IQCM: variants seen among roughly 807,000 people sequenced by gnomAD.
The protein encoded by IQCM is IQ motif containing M, also known as IQ domain-containing protein M.
In IQCM, 45 loss-of-function variants were observed where a neutral mutation model predicts 57.6. The ratio of observed to expected loss-of-function variants is 0.78; its 90% confidence interval spans 0.62 to 1.00. The LOEUF (loss-of-function observed/expected upper bound fraction) is 1.00, where lower values mean the gene tolerates loss of function less well. Among genes scored for constraint, IQCM ranks in the 50% least tolerant of loss-of-function variants. IQCM has a pLI of 0.00. For missense variants in IQCM, 468 were observed against 511.6 expected (o/e 0.91, Z 0.82); for synonymous variants, 148 against 158.9 (o/e 0.93, Z 0.51).
chr4:149,660,649 G>A (rs1760102964), intron 7 of IQCM, among the ~76,000 whole-genome samples: 1 of 151,988 alleles, frequency 6.6e-6, no homozygotes, highest in South Asian at 2.1e-4. Flanking sequence ...ATACTATGCA[G>A]CCATAAAAAA....
chr4:149,527,577 T>C (rs904219400), intron 12 of IQCM, among the ~76,000 whole-genome samples: 1 of 152,184 alleles, frequency 6.6e-6, no homozygotes, highest in Non-Finnish European at 1.5e-5. Context: ...ATTTATTGTT[T>C]AAGCCACCCA....
intron 5 of IQCM, among the ~76,000 whole-genome samples, chr4:149,712,753 C>A (rs1026792746): frequency 6.6e-6 from 1 of 152,162 alleles, no homozygotes; most frequent in Non-Finnish European, 1.5e-5. Context: ...ATATTGAATT[C>A]TGCCCCCAGT....
intron 7 of IQCM, among the ~76,000 whole-genome samples, chr4:149,644,030 GT>G (rs1448997686): frequency 6.6e-6 from 1 of 152,098 alleles, no homozygotes; most frequent in African/African-American, 2.4e-5. Context: ...GACTGCCTTG[GT>G]ATTAGCATTG....
chr4:149,494,865 G>C (rs1742488258), intron 12 of IQCM, among the ~76,000 whole-genome samples: 1 of 152,094 alleles, frequency 6.6e-6, no homozygotes, highest in African/African-American at 2.4e-5. Context: ...ATCGTGATCT[G>C]ACTTATGTGT....
At chr4:149,509,936 A>G (rs931646558) in intron 12 of IQCM, among the ~76,000 whole-genome samples, 4 of 152,056 alleles carry the variant, frequency 2.6e-5, no homozygotes, top group Non-Finnish European at 4.4e-5. Flanking sequence ...TTGTTGCTCA[A>G]AAAATCCCAC....
chr4:149,780,546 T>TAA (rs775542303), intron 2 of IQCM, among the ~76,000 whole-genome samples: 10 of 150,878 alleles, frequency 6.6e-5, no homozygotes, highest in African/African-American at 2.4e-4. Flanking sequence ...TATATATATA[T>TAA]AAAACATATT....
intron 13 of IQCM, among the ~76,000 whole-genome samples, chr4:149,375,667 T>C (rs1730660857): frequency 6.6e-6 from 1 of 152,182 alleles, no homozygotes; most frequent in African/African-American, 2.4e-5. Context: ...ACTACAATTA[T>C]CATTGCTATT....
intron 2 of IQCM, among the ~76,000 whole-genome samples, chr4:149,770,651 A>T (rs143673757): frequency 3.9e-5 from 6 of 152,228 alleles, no homozygotes; most frequent in African/African-American, 1.4e-4. Context: ...TCACCATATT[A>T]ACAAACTAAA....
At chr4:149,778,869 GA>G (rs1161308730) in intron 2 of IQCM, among the ~76,000 whole-genome samples, 1 of 152,022 alleles carries the variant, frequency 6.6e-6, no homozygotes, top group Non-Finnish European at 1.5e-5. Flanking sequence ...TCTCGAAAAA[GA>G]AATTGCCAGA....
intron 5 of IQCM, among the ~76,000 whole-genome samples, chr4:149,721,204 A>G (rs898953846): frequency 1.3e-5 from 2 of 152,190 alleles, no homozygotes; most frequent in African/African-American, 4.8e-5. Flanking sequence ...ATTAGGTATC[A>G]TAAGTAATCT....
At chr4:149,689,236 G>T (rs1363067011) in intron 5 of IQCM, among the ~76,000 whole-genome samples, 1 of 151,976 alleles carries the variant, frequency 6.6e-6, no homozygotes, top group East Asian at 1.9e-4. Context: ...GCCAGAAAAA[G>T]GAATAAGTCC....
intron 9 of IQCM, among the ~76,000 whole-genome samples, chr4:149,582,197 C>T (rs1021802662): frequency 2.0e-5 from 3 of 149,486 alleles, no homozygotes; most frequent in Non-Finnish European, 3.0e-5. Flanking sequence ...GTCCTTGAGT[C>T]ATCTGAGCCT....
chr4:149,367,114 C>T (rs1222106620), intron 13 of IQCM, among the ~76,000 whole-genome samples: 1 of 151,926 alleles, frequency 6.6e-6, no homozygotes, highest in African/African-American at 2.4e-5. Flanking sequence ...GCTAAGACTC[C>T]TATTAGTAAC....
chr4:149,367,601 T>C (rs1175282048), intron 13 of IQCM, among the ~76,000 whole-genome samples: 1 of 152,052 alleles, frequency 6.6e-6, no homozygotes. Flanking sequence ...TTTTACCAAC[T>C]AAAAATAATG....
chr4:149,421,383 T>G (rs1276454496), intron 13 of IQCM, among the ~76,000 whole-genome samples: 1 of 152,056 alleles, frequency 6.6e-6, no homozygotes, highest in African/African-American at 2.4e-5. Context: ...ACAACGGTGA[T>G]GTGAATGTAT....
In IQCM at chr4:149,352,007, G is replaced by A. The variant is rs377028479; in HGVS notation, c.1450C>T (p.Arg484Ter). ...CTCATTTTCCTTTCTCTTATGGATCGGGCCACCAACTTTCCAACAACCCGG... is the reference window on the plus strand; with the variant it reads ...CTCATTTTCCTTTCTCTTATGGATCAGGCCACCAACTTTCCAACAACCCGG... Reference protein sequence around the residue: ...NIRVVGKLVARSIRERKMRQH... With the variant: ...NIRVVGKLVA Residue 484 changes from arginine to a stop codon, truncating the protein, a stop_gained, in exon 14 of 14, where the codon CGA becomes TGA. Transcript: ENST00000636793. LOFTEE classifies it high-confidence loss of function. 12 of 398,660 alleles carry A rather than the reference G, an allele frequency of 3.0e-5. No individual in the cohort carries two copies. Among genetic ancestry groups the A allele is most frequent in the African/African-American group, 8.2e-5 (4 of 48,560 alleles). 24.7% of individuals were successfully genotyped at this position (398,660 alleles called of 1,614,324 possible). A position where few individuals can be genotyped will look rare whatever the true frequency, so the allele number is the denominator to read the frequency against.
At chr4:149,543,799 T>C (rs1169363291) in intron 12 of IQCM, among the ~76,000 whole-genome samples, 1 of 152,184 alleles carries the variant, frequency 6.6e-6, no homozygotes. Flanking sequence ...TGTATTTCTA[T>C]ATTTTCCAAA....
intron 9 of IQCM, among the ~76,000 whole-genome samples, chr4:149,566,131 A>G (rs1025219592): frequency 6.6e-6 from 1 of 152,198 alleles, no homozygotes; most frequent in African/African-American, 2.4e-5. Flanking sequence ...AATTTTACAA[A>G]TGGGCATTGA....
rs79298185 is a variant in IQCM at position 149,730,367 on chromosome 4, C to A, written c.385+2877G>T. Among the ~76,000 whole-genome samples, 481 of 152,214 alleles carry A rather than the reference C, an allele frequency of 3.2e-3. 13 individuals are homozygous for A. The East Asian group carries it at 0.074, about 23-fold the overall frequency. On this transcript the variant is annotated intron_variant, in intron 5 of 13. Transcript: ENST00000636793. ...TCTATGCATCTAAAATCCATCATACCCCATCTCTACAGCCAGTAAACATGC... is the reference window on the plus strand; with the variant it reads ...TCTATGCATCTAAAATCCATCATACACCATCTCTACAGCCAGTAAACATGC...
Sources: gnomAD v4.1 joint callset for allele counts (sites outside exome capture counted in the v4.1 genomes callset) on GRCh38, gnomAD v4.1.1 for gene constraint, MANE v1.5 for transcripts, NCBI Gene and HGNC (gene_info 2026-07-23, HGNC 2026-07-21) for gene names.